The following ASAH1 variants were observed in gnomAD, a reference collection of about 807,000 sequenced individuals.
The protein encoded by ASAH1 is acid ceramidase.
ASAH1 carries 70 observed loss-of-function variants against 59.5 expected under a neutral mutation model. The ratio of observed to expected loss-of-function variants is 1.18; its 90% CI spans 0.97 to 1.43. The LOEUF (loss-of-function observed/expected upper bound fraction) is 1.43, where lower values mean the gene tolerates loss of function less well. Ranked by LOEUF, ASAH1 falls within the 40% of genes most tolerant of loss-of-function variation. ASAH1 has a pLI of 0.00. For synonymous variants in ASAH1, 213 were observed against 166.5 expected (o/e 1.28, Z -2.15); for missense variants, 660 against 482.5 (o/e 1.37, Z -3.45).
chr8:18,059,985 G>A (rs532056367), intron 10 of ASAH1: 2 of 361,524 alleles, frequency 5.5e-6, no homozygotes, highest in Non-Finnish European at 1.1e-5. Flanking sequence ...CTGTGTTCAC[G>A]TGTTCTCTTT....
At chr8:18,082,813 G>A (rs944139223) in intron 1 of ASAH1, among the ~76,000 whole-genome samples, 10 of 152,002 alleles carry the variant, frequency 6.6e-5, no homozygotes, top group Non-Finnish European at 1.0e-4. Context: ...TCAATGAAGG[G>A]CCCTGACAGT....
chr8:18,075,012 T>TTTTTTTTTTTTTTTTG (rs1800334503), intron 2 of ASAH1, among the ~76,000 whole-genome samples: 2 of 149,714 alleles, frequency 1.3e-5, no homozygotes, highest in African/African-American at 4.9e-5. Flanking sequence ...CTTTTTTTTT[T>TTTTTTTTTTTTTTTTG]TGAGACAGAG....
At chr8:18,058,660 TTTCTTGTA>T (rs1237495881) in intron 13 of ASAH1, 167 bp downstream of exon 13, 5 of 627,866 alleles carry the variant, frequency 8.0e-6, no homozygotes, top group Admixed American at 5.6e-5. Context: ...GATCAATTTC[TTTCTTGTA>T]TTCCAAAATA....
At chr8:18,061,822 G>A in intron 8 of ASAH1, 82 bp from the exon 9 acceptor site, 1 of 1,287,630 alleles carries the variant, frequency 7.8e-7, no homozygotes, top group Admixed American at 2.0e-5. Flanking sequence ...TTCAGAGTGG[G>A]ATATAAAGGC....
At chr8:18,065,787 T>A (rs1325129860) in intron 5 of ASAH1, 9 of 152,052 alleles carry the variant, frequency 5.9e-5, no homozygotes, top group Admixed American at 5.9e-4. Context: ...AGTATTGATA[T>A]AAGGGAAGAC....
chr8:18,084,943 G>C, upstream of ASAH1: 3 of 1,256,708 alleles, frequency 2.4e-6, no homozygotes, highest in South Asian at 3.9e-5. Context: ...CGCGCGGGTA[G>C]GTGACCGGGT....
intron 1 of ASAH1, 143 bp from the exon 2 acceptor site, chr8:18,075,730 C>G: frequency 1.4e-6 from 1 of 719,310 alleles, no homozygotes. Context: ...TAAAATAAGT[C>G]TTTTCTTTCC....
At chr8:18,071,889 G>T (rs1317985123) in intron 2 of ASAH1, among the ~76,000 whole-genome samples, 5 of 152,092 alleles carry the variant, frequency 3.3e-5, no homozygotes, top group Non-Finnish European at 7.4e-5. Context: ...ATCTTCCCAC[G>T]ATCAGCTTCA....
upstream of ASAH1, chr8:18,084,123 G>A (rs1044214925): frequency 6.3e-6 from 10 of 1,584,902 alleles, no homozygotes; most frequent in East Asian, 6.8e-5. Context: ...GCTGGGCCGG[G>A]GGCAGGCCAC....
At position 18,057,407 on chromosome 8, in the gene ASAH1, G is replaced by T; in HGVS notation, c.*127C>A. ...TTTGTCAACAGATGGACGAAGACAA[G>T]CTATTGACTCAAAGAGAACCTGCCG... On this transcript the variant is annotated 3_prime_UTR_variant, in exon 14 of 14. Transcript: ENST00000637790. 1 of 639,074 alleles carries T rather than the reference G, an allele frequency of 1.6e-6. No homozygotes were observed. Among genetic ancestry groups the T allele is most frequent in the Non-Finnish European group, 2.9e-6 (1 of 349,590 alleles). The allele number at this position is 639,074 out of a possible 1,614,324, so 39.6% of individuals were successfully genotyped here.
intron 1 of ASAH1, among the ~76,000 whole-genome samples, chr8:18,076,876 A>C (rs1403374906): frequency 6.6e-6 from 1 of 152,248 alleles, no homozygotes; most frequent in Non-Finnish European, 1.5e-5. Flanking sequence ...CTGTGATTCA[A>C]ACATTAGCTG....
At chr8:18,067,036 T>C (rs1799955377) in intron 5 of ASAH1, 184 bp downstream of exon 5, 2 of 474,570 alleles carry the variant, frequency 4.2e-6, no homozygotes, top group East Asian at 3.2e-5. Flanking sequence ...TATCTTGATC[T>C]GAGTCATGGC....
In ASAH1 at chr8:18,056,064, CT is replaced by C. The variant is rs1431805161; in HGVS notation, c.*1469del. The C allele has an allele frequency of 6.6e-6, 1 of 152,112 alleles. No individual in the cohort carries two copies. Among genetic ancestry groups the C allele is most frequent in the East Asian group, 1.9e-4 (1 of 5,188 alleles). The allele number at this position is 152,112 out of a possible 1,614,324, so 9.4% of individuals were successfully genotyped here. The stretch of plus-strand genomic sequence containing the variant: ...TAACAAAAAAATACATCAAGTTGAC[CT>C]GACTTCATTTATGTAAGAGGTAGAA... On this transcript the variant is annotated 3_prime_UTR_variant, in exon 14 of 14. Transcript: ENST00000637790.
Position 18,059,466 on chromosome 8 carries a change from T to C in ASAH1, c.918-2A>G, listed in dbSNP as rs747457090. ...CATCTACCCTGCTTAGCATCGAGTC[T>C]AGATACAAAAGGAGAGATTCCCTCT... is the stretch of plus-strand genomic sequence containing the variant. On this transcript the variant is annotated splice_acceptor_variant, in intron 11 of 13. Coordinates refer to ENST00000637790, the MANE Select transcript of ASAH1 (RefSeq NM_177924.5). LOFTEE classifies it high-confidence loss of function. 2 of 1,614,086 alleles carry C rather than the reference T, an allele frequency of 1.2e-6. No individual in the cohort carries two copies. The highest frequency in any genetic ancestry group is 1.7e-6 in the Non-Finnish European group (2 of 1,180,046).
In ASAH1 at chr8:18,080,900, T is replaced by C. The variant is rs111356837; in HGVS notation, c.78+3081A>G. On this transcript the variant is annotated intron_variant, in intron 1 of 13. Coordinates refer to ENST00000637790, the MANE Select transcript of ASAH1 (RefSeq NM_177924.5). Reference sequence around the variant, plus strand: ...GGCAATTTCTCCTCTTCTTGACACATACATGTGCAAGTTACTTAGCCTTTG... The same window carrying C: ...GGCAATTTCTCCTCTTCTTGACACACACATGTGCAAGTTACTTAGCCTTTG... Among the ~76,000 whole-genome samples the C allele has an allele frequency of 2.6e-5, 4 of 152,328 alleles. 1 individual carries two copies. Among genetic ancestry groups the C allele is most frequent in the African/African-American group, 7.2e-5 (3 of 41,576 alleles).
chr8:18,064,877 G>T, intron 5 of ASAH1: 1 of 204,088 alleles, frequency 4.9e-6, no homozygotes, highest in Non-Finnish European at 9.9e-6. Flanking sequence ...TTGGCTGTTT[G>T]CTGGACATAT....
chr8:18,061,895 C>T, intron 8 of ASAH1, 155 bp from the exon 9 acceptor site: 5 of 791,344 alleles, frequency 6.3e-6, no homozygotes, highest in Non-Finnish European at 8.4e-6. Context: ...TTAAAAAGTT[C>T]AAAGCATTTT....
At chr8:18,063,366 C>A (rs1046955115) in intron 6 of ASAH1, 136 bp from the exon 7 acceptor site, 2 of 793,404 alleles carry the variant, frequency 2.5e-6, no homozygotes, top group Non-Finnish European at 4.3e-6. Context: ...TGCAGTGGTG[C>A]GATCTCAGCT....
Position 18,071,347 on chromosome 8 carries a change from G to C in ASAH1, c.169C>G (p.Pro57Ala), listed in dbSNP as rs1049632941. 6.2e-7 allele frequency: 1 copy of C among 1,605,086 alleles called. No individual in the cohort carries two copies. The highest frequency in any genetic ancestry group is 8.5e-7 in the Non-Finnish European group (1 of 1,173,850). Residue 57 changes from proline (P) to alanine (A), a missense_variant, in exon 3 of 14, where the codon CCA becomes GCA. By Grantham distance (27) the Pro-to-Ala change is conservative (BLOSUM62 -1). Coordinates refer to ENST00000637790, the MANE Select transcript of ASAH1 (RefSeq NM_177924.5). Reference sequence around the variant, plus strand: ...AATTCATGCCATCTTTTGTAGGGTGGTAAGTCAAGATTTATGGTGTACCAT... The same window carrying C: ...AATTCATGCCATCTTTTGTAGGGTGCTAAGTCAAGATTTATGGTGTACCAT... ...VPWYTINLDL[P>A]PYKRWHELML...
Sources: gnomAD v4.1 joint callset for allele counts (sites outside exome capture counted in the v4.1 genomes callset) on GRCh38, gnomAD v4.1.1 for gene constraint, MANE v1.5 for transcripts, NCBI Gene and HGNC (gene_info 2026-07-23, HGNC 2026-07-21) for gene names.